ERBB4: variants seen among roughly 807,000 people sequenced by gnomAD.
ERBB4 encodes the protein erb-b2 receptor tyrosine kinase 4.
A neutral mutation model predicts 158.0 loss-of-function variants in ERBB4; 42 were observed. The observed-to-expected ratio is 0.27, with a 90% CI of 0.21 to 0.34. ERBB4 has a LOEUF of 0.34. Ranked by LOEUF, ERBB4 falls within the 10% of genes least tolerant of loss-of-function variation. ERBB4 has a pLI of 1.00. For synonymous variants in ERBB4, 583 were observed against 558.7 expected, an observed-to-expected ratio of 1.04 and a Z score of -0.61; for missense variants, 1,333 against 1,624.1, an observed-to-expected ratio of 0.82 and a Z score of 3.08.
intron 23 of ERBB4, among the ~76,000 whole-genome samples, chr2:211,422,719 G>A (rs1198972394): frequency 3.3e-5 from 5 of 151,782 alleles, no homozygotes; most frequent in Admixed American, 6.6e-5. Flanking sequence ...TGATTTTCTT[G>A]CCAAATTATC....
intron 1 of ERBB4, among the ~76,000 whole-genome samples, chr2:212,375,398 C>A (rs574537032): frequency 1.3e-5 from 2 of 152,098 alleles, no homozygotes; most frequent in South Asian, 4.1e-4. Flanking sequence ...GATACCTAAT[C>A]TTGCCTGATC....
intron 1 of ERBB4, among the ~76,000 whole-genome samples, chr2:212,185,583 C>T (rs1559684170): frequency 6.6e-6 from 1 of 151,852 alleles, no homozygotes; most frequent in African/African-American, 2.4e-5. Flanking sequence ...ATGGTCACTG[C>T]GGTGGGATGC....
At chr2:212,439,455 T>C (rs2092207375) in intron 1 of ERBB4, among the ~76,000 whole-genome samples, 1 of 152,088 alleles carries the variant, frequency 6.6e-6, no homozygotes, top group South Asian at 2.1e-4. Context: ...AAGACATCCA[T>C]TGGTTATGAA....
At chr2:211,782,723 T>C (rs1042962056) in intron 4 of ERBB4, among the ~76,000 whole-genome samples, 1 of 152,178 alleles carries the variant, frequency 6.6e-6, no homozygotes, top group African/African-American at 2.4e-5. Context: ...TTCTGTTCCA[T>C]TGGTCTATAT....
At chr2:211,645,036 A>T (rs1262546563) in intron 16 of ERBB4, among the ~76,000 whole-genome samples, 1 of 147,688 alleles carries the variant, frequency 6.8e-6, no homozygotes, top group Non-Finnish European at 1.5e-5. Context: ...TCTGGCACTG[A>T]GTTAGTTGCT....
At chr2:212,172,854 T>TG (rs2125675242) in intron 1 of ERBB4, among the ~76,000 whole-genome samples, 1 of 152,164 alleles carries the variant, frequency 6.6e-6, no homozygotes, top group African/African-American at 2.4e-5. Flanking sequence ...ACCTGGGTGA[T>TG]GCGATGATTT....
At chr2:212,285,791 A>ATT (rs2085938352) in intron 1 of ERBB4, among the ~76,000 whole-genome samples, 2 of 152,192 alleles carry the variant, frequency 1.3e-5, no homozygotes, top group Admixed American at 1.3e-4. Context: ...CCTACAATAT[A>ATT]CAGCTTGGTA....
At chr2:211,645,662 T>C (rs2105866885) in intron 16 of ERBB4, among the ~76,000 whole-genome samples, 1 of 151,798 alleles carries the variant, frequency 6.6e-6, no homozygotes, top group South Asian at 2.1e-4. Flanking sequence ...TGGCAACTTT[T>C]GGTGAAAAAC....
chr2:211,761,896 C>A (rs1442649997), intron 4 of ERBB4, among the ~76,000 whole-genome samples: 4 of 152,152 alleles, frequency 2.6e-5, no homozygotes, highest in Non-Finnish European at 5.9e-5. Flanking sequence ...GCTATTAAAT[C>A]ATTTTTGTCT....
intron 19 of ERBB4, among the ~76,000 whole-genome samples, chr2:211,570,503 A>G (rs1574774176): frequency 7.0e-6 from 1 of 142,012 alleles, no homozygotes; most frequent in East Asian, 2.2e-4. Context: ...GCTTTATTAC[A>G]CTTACTATGG....
chr2:211,848,089 G>T (rs879427064), intron 3 of ERBB4, among the ~76,000 whole-genome samples: 1 of 152,044 alleles, frequency 6.6e-6, no homozygotes, highest in Non-Finnish European at 1.5e-5. Flanking sequence ...AATTCATTCT[G>T]TATCCTCTAT....
intron 2 of ERBB4, among the ~76,000 whole-genome samples, chr2:212,062,221 A>T (rs1456061416): frequency 6.6e-6 from 1 of 152,092 alleles, no homozygotes; most frequent in Non-Finnish European, 1.5e-5. Context: ...ACAAAAGTCT[A>T]CATGTATATT....
chr2:211,459,580 A>G (rs1412413795), intron 20 of ERBB4, among the ~76,000 whole-genome samples: 1 of 152,174 alleles, frequency 6.6e-6, no homozygotes, highest in African/African-American at 2.4e-5. Flanking sequence ...CATGGTAGTG[A>G]ATAAATCTCA....
chr2:211,399,070 T>C (rs1351309626), intron 25 of ERBB4, among the ~76,000 whole-genome samples: 4 of 152,232 alleles, frequency 2.6e-5, no homozygotes, highest in Non-Finnish European at 5.9e-5. Context: ...TCAATGCTCT[T>C]TCTGGCTTCT....
intron 1 of ERBB4, among the ~76,000 whole-genome samples, chr2:212,146,406 A>G (rs2080674722): frequency 6.6e-6 from 1 of 152,202 alleles, no homozygotes; most frequent in African/African-American, 2.4e-5. Flanking sequence ...TGTTGACAAT[A>G]TAACTCTAGA....
chr2:212,529,953 C>T (rs943828068), intron 1 of ERBB4, among the ~76,000 whole-genome samples: 1 of 152,146 alleles, frequency 6.6e-6, no homozygotes, highest in Non-Finnish European at 1.5e-5. Flanking sequence ...TTGACTAGGT[C>T]AGTCTGGTTT....
At chr2:211,941,907 TAA>T (rs777779338) in intron 3 of ERBB4, among the ~76,000 whole-genome samples, 2 of 152,082 alleles carry the variant, frequency 1.3e-5, no homozygotes, top group African/African-American at 2.4e-5. Context: ...AAAGATGCTT[TAA>T]TTGACAAGTT....
rs1244755916 is a variant in ERBB4 at position 212,322,692 on chromosome 2, T to C, written c.83-197789A>G. On this transcript the variant is annotated intron_variant, in intron 1 of 27. Coordinates refer to ENST00000342788, the MANE Select transcript of ERBB4 (RefSeq NM_005235.3). ...TTTCAAATTAATATGCCTAGATTAC[T>C]GAGCCAGTAATCAGAGAAGTGGAAT... Among the ~76,000 whole-genome samples, 2 of 150,314 alleles carry C rather than the reference T, an allele frequency of 1.3e-5. 1 individual carries two copies. The highest frequency in any genetic ancestry group is 3.0e-5 in the Non-Finnish European group (2 of 67,026).
At chr2:211,735,514 T>C (rs2074572907) in intron 5 of ERBB4, among the ~76,000 whole-genome samples, 1 of 152,140 alleles carries the variant, frequency 6.6e-6, no homozygotes, top group South Asian at 2.1e-4. Flanking sequence ...GCCAAATAGC[T>C]AAAGTGATCA....
Sources: allele counts gnomAD v4.1 joint callset (sites outside exome capture counted in the v4.1 genomes callset), GRCh38; gene constraint gnomAD v4.1.1; transcripts MANE v1.5; gene names NCBI Gene and HGNC (gene_info 2026-07-23, HGNC 2026-07-21).